The following AFF4 variants were observed in gnomAD, a reference collection of about 807,000 sequenced individuals.
AFF4 encodes ALF transcription elongation factor 4, also known as AF4/FMR2 family member 4.
AFF4 carries 13 observed loss-of-function variants against 124.8 expected under a neutral mutation model. The ratio of observed to expected loss-of-function variants is 0.10; its 90% CI spans 0.07 to 0.17. AFF4 has a LOEUF of 0.17. Ranked by LOEUF, AFF4 falls within the 10% of genes least tolerant of loss-of-function variation. AFF4 has a pLI of 1.00. For synonymous variants in AFF4, 477 were observed against 496.1 expected, an observed-to-expected ratio of 0.96 and a Z score of 0.51; for missense variants, 1,092 against 1,403.8, an observed-to-expected ratio of 0.78 and a Z score of 3.55.
rs374222042 is a variant in AFF4, at chr5:132,883,346, G to C, written c.3358C>G (p.Gln1120Glu). The change falls in exon 20 of 21, where the codon CAA becomes GAA. Residue 1120 changes from glutamine to glutamate, a missense_variant. By Grantham distance (29) the Gln-to-Glu change is conservative. Coordinates refer to ENST00000265343, the MANE Select transcript of AFF4 (RefSeq NM_014423.4). ...TATCCAGAAACCTACCTACCTTTTT[G>C]CTCTTTGGAAAGCTGTTCAGCTTGG... is the stretch of plus-strand genomic sequence containing the variant. ...WDQAEQLSKEQKEFFAELDKV... is the reference protein window; with the variant it reads ...WDQAEQLSKEEKEFFAELDKV... 3.1e-6 allele frequency: 5 copies of C among 1,612,130 alleles called. No individual in the cohort carries two copies. The highest frequency in any genetic ancestry group is 3.4e-6 in the Non-Finnish European group (4 of 1,179,470).
chr5:132,930,777 T>C (rs1456262416), intron 4 of AFF4, among the ~76,000 whole-genome samples: 3 of 152,046 alleles, frequency 2.0e-5, no homozygotes, highest in Non-Finnish European at 2.9e-5. Flanking sequence ...ATGTACTTTT[T>C]GGTCATGTGT....
chr5:132,907,272 C>G (rs1160041200), intron 5 of AFF4, among the ~76,000 whole-genome samples: 9 of 152,138 alleles, frequency 5.9e-5, no homozygotes, highest in East Asian at 1.9e-4. Flanking sequence ...GAAGTTTACC[C>G]TTCTACAGCC....
chr5:132,896,764 T>C lies in AFF4; in HGVS notation c.1866A>G (p.Arg622=). The C allele has an allele frequency of 6.2e-7, 1 of 1,614,190 alleles. No individual in the cohort carries two copies. The highest frequency in any genetic ancestry group is 1.6e-4 in the Middle Eastern group (1 of 6,062). Residue 622 remains arginine (R), a synonymous_variant, in exon 11 of 21, where the codon CGA becomes CGG. Coordinates refer to ENST00000265343, the MANE Select transcript of AFF4 (RefSeq NM_014423.4). ...NIKKESKSSP[R]PTAEKKKYKS... Reference sequence around the variant, plus strand: ...TATATTTCTTTTTCTCTGCTGTAGGTCGAGGGGAAGACTTAGACTCCTTCT... The same window carrying C: ...TATATTTCTTTTTCTCTGCTGTAGGCCGAGGGGAAGACTTAGACTCCTTCT...
intron 4 of AFF4, among the ~76,000 whole-genome samples, chr5:132,929,102 T>C (rs952909362): frequency 6.6e-6 from 1 of 152,098 alleles, no homozygotes; most frequent in African/African-American, 2.4e-5. Context: ...AAGTTCATGA[T>C]GGGGTTCCTA....
At chr5:132,949,457 G>A (rs537522600) in intron 1 of AFF4, among the ~76,000 whole-genome samples, 94 of 152,092 alleles carry the variant, frequency 6.2e-4, no homozygotes, top group Non-Finnish European at 1.3e-3. Context: ...TGGAAGGACC[G>A]CTTGAGCCCA....
At chr5:132,903,027 A>C (rs1760588776) in intron 6 of AFF4, among the ~76,000 whole-genome samples, 1 of 152,216 alleles carries the variant, frequency 6.6e-6, no homozygotes, top group Non-Finnish European at 1.5e-5. Flanking sequence ...ACAAATAATG[A>C]GTAGAGGCAG....
intron 1 of AFF4, chr5:132,948,576 G>C (rs1761755313): frequency 6.5e-6 from 1 of 154,772 alleles, no homozygotes; most frequent in African/African-American, 2.4e-5. Context: ...GGCCTAACTG[G>C]GGAGTTATCA....
At chr5:132,894,910 C>T (rs930001134) in intron 11 of AFF4, among the ~76,000 whole-genome samples, 3 of 152,072 alleles carry the variant, frequency 2.0e-5, no homozygotes, top group African/African-American at 4.8e-5. Context: ...GCTATGAATG[C>T]CATGGCACTC....
chr5:132,892,467 C>T, intron 12 of AFF4, 63 bp from the exon 13 acceptor site: 2 of 1,531,840 alleles, frequency 1.3e-6, no homozygotes, highest in Admixed American at 2.1e-5. Flanking sequence ...TTGATTTTTC[C>T]ATTTCTCTTT....
In AFF4 at chr5:132,963,299, T is replaced by G. The variant is rs1762124138; in HGVS notation, c.-45A>C. 2.5e-6 allele frequency: 1 copy of G among 395,652 alleles called. No individual in the cohort carries two copies. Among genetic ancestry groups the G allele is most frequent in the African/African-American group, 2.1e-5 (1 of 48,486 alleles). 24.5% of individuals were successfully genotyped at this position (395,652 alleles called of 1,614,324 possible). On this transcript the variant is annotated 5_prime_UTR_variant, in exon 1 of 21. Coordinates refer to ENST00000265343, the MANE Select transcript of AFF4 (RefSeq NM_014423.4). ...CGCTAGGCCCGAACCATCTCCTGGCTGCGGCAGTGGCGGCGCCGGGCCTGC... is the reference window on the plus strand; with the variant it reads ...CGCTAGGCCCGAACCATCTCCTGGCGGCGGCAGTGGCGGCGCCGGGCCTGC...
chr5:132,887,722 TCTC>T, intron 16 of AFF4, 121 bp downstream of exon 16: 4 of 1,496,426 alleles, frequency 2.7e-6, no homozygotes, highest in Non-Finnish European at 9.2e-7. Flanking sequence ...AGTATCTACT[TCTC>T]CTTTATCCAA....
chr5:132,891,806 T>TC (rs1339528636), intron 13 of AFF4: 1 of 301,156 alleles, frequency 3.3e-6, no homozygotes. Context: ...CTATCTTTTT[T>TC]TTTTTTTTTT....
intron 5 of AFF4, among the ~76,000 whole-genome samples, chr5:132,910,090 A>G (rs983328717): frequency 6.6e-6 from 1 of 152,204 alleles, no homozygotes; most frequent in Admixed American, 6.5e-5. Context: ...GTACAGGCAA[A>G]ACACATTTCT....
At chr5:132,882,271 T>C (rs1760001309) in intron 20 of AFF4, among the ~76,000 whole-genome samples, 1 of 151,956 alleles carries the variant, frequency 6.6e-6, no homozygotes, top group Admixed American at 6.6e-5. Context: ...TGCCTCTCTT[T>C]AGGGATAGGA....
At chr5:132,886,595 A>C (rs1319746393) in intron 17 of AFF4, among the ~76,000 whole-genome samples, 192 bp from the exon 18 acceptor site, 1 of 152,230 alleles carries the variant, frequency 6.6e-6, no homozygotes, top group Non-Finnish European at 1.5e-5. Context: ...GATGGCTAAG[A>C]AGCCTAGGAC....
chr5:132,887,717 C>G (rs1477028407), intron 16 of AFF4, 125 bp from the exon 17 acceptor site: 1 of 1,487,726 alleles, frequency 6.7e-7, no homozygotes, highest in Non-Finnish European at 9.2e-7. Flanking sequence ...ATTGAAGTAT[C>G]TACTTCTCCT....
At chr5:132,911,617 G>A (rs1277520902) in intron 5 of AFF4, among the ~76,000 whole-genome samples, 5 of 151,636 alleles carry the variant, frequency 3.3e-5, no homozygotes, top group Non-Finnish European at 7.4e-5. Context: ...ACTTTAAGGG[G>A]CCTAATATAC....
At chr5:132,956,645 AAAAG>A (rs1172968704) in intron 1 of AFF4, among the ~76,000 whole-genome samples, 6 of 151,562 alleles carry the variant, frequency 4.0e-5, no homozygotes, top group Non-Finnish European at 5.9e-5. Flanking sequence ...AAAAAAAAAA[AAAAG>A]AGAGAGCGAG....
intron 5 of AFF4, among the ~76,000 whole-genome samples, chr5:132,921,798 C>G (rs995682292): frequency 1.3e-4 from 20 of 151,960 alleles, no homozygotes; most frequent in African/African-American, 4.3e-4. Context: ...TCTTTCCCCC[C>G]CAGAGAGAGT....
Sources: gnomAD v4.1 joint callset for allele counts (sites outside exome capture counted in the v4.1 genomes callset) on GRCh38, gnomAD v4.1.1 for gene constraint, MANE v1.5 for transcripts, NCBI Gene and HGNC (gene_info 2026-07-23, HGNC 2026-07-21) for gene names.